Variants in C8orf34 observed in about 807,000 individuals in gnomAD.
C8orf34 encodes the protein uncharacterized protein C8orf34.
In C8orf34, 65 loss-of-function variants were observed where a neutral mutation model predicts 68.3. That is an observed-to-expected ratio of 0.95 (90% CI 0.78 to 1.17). The LOEUF is 1.17. Among genes scored for constraint, C8orf34 ranks in the 50% most tolerant of loss-of-function variants. The probability of loss-of-function intolerance (pLI) is 0.00; values close to 1 mark genes in which losing one functional copy is unlikely to be tolerated. For synonymous variants in C8orf34, 244 were observed against 241.2 expected (o/e 1.01, Z -0.11); for missense variants, 664 against 655.4 (o/e 1.01, Z -0.14).
At chr8:68,355,450 G>A (rs74592838) in intron 1 of C8orf34, among the ~76,000 whole-genome samples, 6,566 of 152,276 alleles carry the variant, frequency 0.043, 162 homozygotes, top group African/African-American at 0.051. Flanking sequence ...TTTATGAGGT[G>A]AAAACAGTTT....
In C8orf34 at chr8:68,721,219, C is replaced by T. The variant is rs1371900758; in HGVS notation, c.1328-142C>T. The T allele has an allele frequency of 7.5e-5, 41 of 547,458 alleles. 1 individual carries two copies. Among genetic ancestry groups the T allele is most frequent in the South Asian group, 5.4e-5 (2 of 36,890 alleles). 33.9% of individuals were successfully genotyped at this position (547,458 alleles called of 1,614,324 possible). A position where few individuals can be genotyped will look rare whatever the true frequency, so the allele number is the denominator to read the frequency against. On this transcript the variant is annotated intron_variant, in intron 9 of 13. Coordinates refer to ENST00000518698, the MANE Select transcript of C8orf34 (RefSeq NM_052958.4). ...TGTTTTTAAGCTAAATATTATTTCA[C>T]GTTCTATTTTAACTCACAAACACTA...
intron 8 of C8orf34, among the ~76,000 whole-genome samples, chr8:68,693,858 G>T (rs1820752342): frequency 6.6e-6 from 1 of 152,068 alleles, no homozygotes; most frequent in East Asian, 1.9e-4. Flanking sequence ...AGCCCTGGAT[G>T]TGTTGCAGCT....
chr8:68,613,473 T>C lies in C8orf34; in HGVS notation c.1106-26903T>C, dbSNP rs974306284. Among the ~76,000 whole-genome samples, 10 of 138,848 alleles carry C rather than the reference T, an allele frequency of 7.2e-5. No homozygotes were observed. The Admixed American group carries it at 7.7e-4, about 11-fold the overall frequency. The allele number at this position is 138,848 out of a possible 152,430, so 91.1% of individuals were successfully genotyped here. ...CCACACAACAGTCCCCAGAGTGTGA[T>C]ATTCCCCTTCCTGTGTCCATGTGTT... On this transcript the variant is annotated intron_variant, in intron 7 of 13. Transcript: ENST00000518698.
chr8:68,591,471 A>G (rs543932914), intron 7 of C8orf34, among the ~76,000 whole-genome samples: 14 of 152,324 alleles, frequency 9.2e-5, no homozygotes, highest in African/African-American at 3.4e-4. Flanking sequence ...AAAGAAGACA[A>G]CGAAAAAGGA....
Position 68,757,768 on chromosome 8 carries a change from A to T in C8orf34, c.1405-18631A>T, listed in dbSNP as rs559897241. ...CTTCTGAGAAGTAAACATAACGTAC[A>T]ATGGATAGAATGTGGACTGTGGAGT... On this transcript the variant is annotated intron_variant, in intron 10 of 13. Coordinates refer to ENST00000518698, the MANE Select transcript of C8orf34 (RefSeq NM_052958.4). Among the ~76,000 whole-genome samples, 3 of 152,230 alleles carry T rather than the reference A, an allele frequency of 2.0e-5. No individual in the cohort carries two copies. In the East Asian group the frequency reaches 5.8e-4, roughly 29 times the overall value.
At chr8:68,758,500 A>C (rs68191047) in intron 10 of C8orf34, among the ~76,000 whole-genome samples, 14,778 of 152,212 alleles carry the variant, frequency 0.097, 863 homozygotes, top group African/African-American at 0.16. Flanking sequence ...TATCCTCTCT[A>C]GAAACAAGTG....
chr8:68,553,988 A>G (rs1424688832), intron 7 of C8orf34, among the ~76,000 whole-genome samples: 2 of 152,174 alleles, frequency 1.3e-5, no homozygotes, highest in East Asian at 1.9e-4. Flanking sequence ...ATGAGATAGT[A>G]TAATTAATAA....
intron 1 of C8orf34, among the ~76,000 whole-genome samples, chr8:68,353,747 T>C (rs1806624937): frequency 6.6e-6 from 1 of 151,226 alleles, no homozygotes; most frequent in Non-Finnish European, 1.5e-5. Flanking sequence ...GTAATGAACA[T>C]GTACAGACTT....
chr8:68,801,038 A>G (rs1585904603), intron 12 of C8orf34, among the ~76,000 whole-genome samples: 1 of 152,204 alleles, frequency 6.6e-6, no homozygotes, highest in Non-Finnish European at 1.5e-5. Context: ...AATTTTAGAT[A>G]TAACTTTTGA....
intron 10 of C8orf34, among the ~76,000 whole-genome samples, chr8:68,752,211 A>G (rs912785890): frequency 6.6e-6 from 1 of 152,226 alleles, no homozygotes; most frequent in African/African-American, 2.4e-5. Context: ...TAGAGTGATC[A>G]AAATTTGATT....
intron 7 of C8orf34, among the ~76,000 whole-genome samples, chr8:68,576,246 T>G (rs1053917523): frequency 1.3e-5 from 2 of 151,752 alleles, no homozygotes; most frequent in African/African-American, 4.9e-5. Context: ...AGACTAACAT[T>G]GTAATTATGT....
At chr8:68,493,496 G>A (rs944760899) in intron 5 of C8orf34, among the ~76,000 whole-genome samples, 2 of 152,200 alleles carry the variant, frequency 1.3e-5, no homozygotes, top group African/African-American at 2.4e-5. Flanking sequence ...GTGTTTGTGA[G>A]GATATGGAGA....
At chr8:68,426,390 A>T (rs2129624213) in intron 1 of C8orf34, among the ~76,000 whole-genome samples, 1 of 151,698 alleles carries the variant, frequency 6.6e-6, no homozygotes, top group South Asian at 2.1e-4. Context: ...ATGATGGTGC[A>T]CTCCTGTAGT....
Position 68,398,530 on chromosome 8 carries a change from C to T in C8orf34, c.328-40969C>T, listed in dbSNP as rs1474846897. On this transcript the variant is annotated intron_variant, in intron 1 of 13. Coordinates refer to ENST00000518698, the MANE Select transcript of C8orf34 (RefSeq NM_052958.4). ...TTTTGGTGTGGTAAAAAAACACACACAAAAGGTAGCTATTTGAAATGATAG... is the reference window on the plus strand; with the variant it reads ...TTTTGGTGTGGTAAAAAAACACACATAAAAGGTAGCTATTTGAAATGATAG... Among the ~76,000 whole-genome samples the T allele has an allele frequency of 4.6e-5, 7 of 151,864 alleles. No individual in the cohort carries two copies. The East Asian group carries it at 1.4e-3, about 29-fold the overall frequency.
intron 13 of C8orf34, among the ~76,000 whole-genome samples, chr8:68,817,215 G>A (rs931208702): frequency 5.3e-5 from 8 of 152,108 alleles, no homozygotes; most frequent in African/African-American, 1.7e-4. Context: ...CAGAAAATGC[G>A]CTGATGGTGA....
intron 8 of C8orf34, among the ~76,000 whole-genome samples, chr8:68,695,201 C>A (rs1056347179): frequency 6.7e-6 from 1 of 149,806 alleles, no homozygotes; most frequent in East Asian, 2.0e-4. Context: ...AGCTGGAGTG[C>A]AATGGCGTGA....
At chr8:68,538,956 G>A (rs1815594766) in intron 7 of C8orf34, among the ~76,000 whole-genome samples, 1 of 152,066 alleles carries the variant, frequency 6.6e-6, no homozygotes, top group Admixed American at 6.6e-5. Context: ...GAAAGACAAG[G>A]AGATATAGAG....
chr8:68,734,791 A>C (rs1451614471), intron 10 of C8orf34, among the ~76,000 whole-genome samples: 1 of 152,188 alleles, frequency 6.6e-6, no homozygotes, highest in Non-Finnish European at 1.5e-5. Flanking sequence ...TGTCCAACCC[A>C]GGAGTTCCCA....
chr8:68,671,382 C>T (rs988375509), intron 8 of C8orf34, among the ~76,000 whole-genome samples: 1 of 152,118 alleles, frequency 6.6e-6, no homozygotes, highest in African/African-American at 2.4e-5. Context: ...TGTGCTGGTG[C>T]CACTTAGTTG....
Sources: gnomAD v4.1 joint callset for allele counts (sites outside exome capture counted in the v4.1 genomes callset) on GRCh38, gnomAD v4.1.1 for gene constraint, MANE v1.5 for transcripts, NCBI Gene and HGNC (gene_info 2026-07-23, HGNC 2026-07-21) for gene names.